Variants in MAPK4 observed in about 807,000 individuals in gnomAD.
MAPK4 encodes the protein mitogen-activated protein kinase 4.
A neutral mutation model predicts 47.7 loss-of-function variants in MAPK4; 22 were observed. The observed-to-expected ratio is 0.46, with a 90% confidence interval of 0.33 to 0.66. The LOEUF (loss-of-function observed/expected upper bound fraction) is 0.66. Ranked by LOEUF, MAPK4 falls within the 30% of genes least tolerant of loss-of-function variation. The pLI is 0.02. For synonymous variants in MAPK4, 390 were observed against 365.7 expected, an observed-to-expected ratio of 1.07 and a Z score of -0.76; for missense variants, 736 against 831.7, an observed-to-expected ratio of 0.88 and a Z score of 1.42.
chr18:50,664,045 T>C lies in MAPK4; in HGVS notation c.87T>C (p.Gly29=). The change falls in exon 2 of 6, where the codon GGT becomes GGC. Residue 29 remains glycine, a synonymous_variant. Transcript: ENST00000400384. This position sits in a 1 kb window ranked among gnomAD's most constrained non-coding sequence, Gnocchi z 6.0. ...TTGACTTCCAACCCCTGGGCTTCGG[T>C]GTCAATGGTTTGGTGCTGTCGGCCG... is the stretch of plus-strand genomic sequence containing the variant. The part of the protein sequence containing the change: ...RFVDFQPLGF[G]VNGLVLSAVD... 1 of 1,613,590 alleles carries C rather than the reference T, an allele frequency of 6.2e-7. No homozygotes were observed. Among genetic ancestry groups the C allele is most frequent in the Non-Finnish European group, 8.5e-7 (1 of 1,179,960 alleles).
At chr18:50,582,274 G>A (rs1321817785) in intron 1 of MAPK4, among the ~76,000 whole-genome samples, 1 of 152,174 alleles carries the variant, frequency 6.6e-6, no homozygotes, top group African/African-American at 2.4e-5. Context: ...CTGTTCTGTG[G>A]TACAGCGAGG....
chr18:50,641,057 C>G (rs1284352739), intron 1 of MAPK4, among the ~76,000 whole-genome samples: 1 of 152,054 alleles, frequency 6.6e-6, no homozygotes, highest in East Asian at 1.9e-4. Flanking sequence ...CAGCTGTCAC[C>G]TGGAAAAAAA....
intron 1 of MAPK4, among the ~76,000 whole-genome samples, chr18:50,606,698 T>C (rs2042586093): frequency 6.6e-6 from 1 of 152,156 alleles, no homozygotes; most frequent in South Asian, 2.1e-4. Flanking sequence ...GGCCATACAG[T>C]CTCTTTTGCA....
intron 1 of MAPK4, among the ~76,000 whole-genome samples, chr18:50,604,805 A>G (rs1445574729): frequency 6.6e-6 from 1 of 152,212 alleles, no homozygotes. Context: ...TCAAGAGTGC[A>G]ATGGCCTGGA....
intron 2 of MAPK4, among the ~76,000 whole-genome samples, chr18:50,698,478 A>C (rs566896481): frequency 6.6e-6 from 1 of 152,348 alleles, no homozygotes; most frequent in South Asian, 2.1e-4. Flanking sequence ...AAAACACCTA[A>C]ATAATGCAGT....
chr18:50,606,936 G>A (rs2042587532), intron 1 of MAPK4, among the ~76,000 whole-genome samples: 1 of 152,074 alleles, frequency 6.6e-6, no homozygotes, highest in South Asian at 2.1e-4. Context: ...TGTCAGGCTG[G>A]GACCCCAAGT....
chr18:50,618,991 C>T (rs2042708181), intron 1 of MAPK4, among the ~76,000 whole-genome samples: 1 of 152,140 alleles, frequency 6.6e-6, no homozygotes, highest in Non-Finnish European at 1.5e-5. Context: ...TGGTTAAAGT[C>T]ATTACATGCT....
Position 50,636,739 on chromosome 18 carries a change from G to A in MAPK4, c.-870-26350G>A, listed in dbSNP as rs117336615. 4.7e-3 allele frequency among the ~76,000 whole-genome samples: 715 copies of A among 152,212 alleles called. 3 individuals carry two copies. Among genetic ancestry groups the A allele is most frequent in the Non-Finnish European group, 8.4e-3 (573 of 68,020 alleles). On this transcript the variant is annotated intron_variant, in intron 1 of 5. Coordinates refer to ENST00000400384, the MANE Select transcript of MAPK4 (RefSeq NM_002747.4). ...CTAAAGCTGAATTTTTAGGGTCTTCGTGTACATCCTTGATTCCTTCTGGCC... is the reference window on the plus strand; with the variant it reads ...CTAAAGCTGAATTTTTAGGGTCTTCATGTACATCCTTGATTCCTTCTGGCC...
In MAPK4 at chr18:50,664,863, A is replaced by G. The variant is rs1247372323; in HGVS notation, c.546+359A>G. On this transcript the variant is annotated intron_variant, in intron 2 of 5. Coordinates refer to ENST00000400384, the MANE Select transcript of MAPK4 (RefSeq NM_002747.4). The surrounding 1 kb of genome is among the most constrained non-coding windows in gnomAD (Gnocchi z 6.0). ...TCCCTGCTGTCCACTTAGCCATCCC[A>G]TGTCCTTCCTGTGTGCTCAGGACAC... Among the ~76,000 whole-genome samples the G allele has an allele frequency of 6.6e-6, 1 of 152,020 alleles. No homozygotes were observed. The highest frequency in any genetic ancestry group is 2.4e-5 in the African/African-American group (1 of 41,366).
chr18:50,640,304 T>C lies in MAPK4; in HGVS notation c.-870-22785T>C, dbSNP rs534155319. ...TATTCAGGGGCCATGCTCTGTCACCTTGAGGTCATGCCAAAGAAACTTGGA... is the reference window on the plus strand; with the variant it reads ...TATTCAGGGGCCATGCTCTGTCACCCTGAGGTCATGCCAAAGAAACTTGGA... On this transcript the variant is annotated intron_variant, in intron 1 of 5. Transcript: ENST00000400384. 1.1e-4 allele frequency among the ~76,000 whole-genome samples: 16 copies of C among 152,062 alleles called. No homozygotes were observed. In the South Asian group the frequency reaches 3.3e-3, roughly 32 times the overall value.
At chr18:50,565,495 A>G (rs948169050) in intron 1 of MAPK4, among the ~76,000 whole-genome samples, 8 of 152,186 alleles carry the variant, frequency 5.3e-5, no homozygotes, top group Non-Finnish European at 1.0e-4. Context: ...TTTCTTTTGG[A>G]ATACCTGAGC....
chr18:50,659,781 G>C (rs1022268957), intron 1 of MAPK4, among the ~76,000 whole-genome samples: 1 of 152,178 alleles, frequency 6.6e-6, no homozygotes, highest in East Asian at 1.9e-4. Context: ...CTCTTGCTGG[G>C]TGTCATTCAA....
chr18:50,691,855 G>A (rs746322697), intron 2 of MAPK4, among the ~76,000 whole-genome samples: 1 of 151,926 alleles, frequency 6.6e-6, no homozygotes, highest in Non-Finnish European at 1.5e-5. Context: ...CTGCAGAGAC[G>A]GCAGAGTCTT....
chr18:50,570,375 C>T (rs2042238999), intron 1 of MAPK4, among the ~76,000 whole-genome samples: 2 of 152,160 alleles, frequency 1.3e-5, no homozygotes, highest in Admixed American at 1.3e-4. Context: ...TACCTGGAGC[C>T]CCATCTCGAA....
chr18:50,605,312 G>T (rs758313410), intron 1 of MAPK4, among the ~76,000 whole-genome samples: 16 of 152,298 alleles, frequency 1.1e-4, no homozygotes, highest in Non-Finnish European at 1.6e-4. Flanking sequence ...TGGTCTTTGT[G>T]CAGAGTAAAG....
intron 3 of MAPK4, among the ~76,000 whole-genome samples, chr18:50,718,321 C>T (rs997544760): frequency 6.6e-6 from 1 of 152,218 alleles, no homozygotes; most frequent in African/African-American, 2.4e-5. Flanking sequence ...CCATTTCAAG[C>T]GATTCTCATG....
chr18:50,624,209 G>A (rs1396099369), intron 1 of MAPK4, among the ~76,000 whole-genome samples: 1 of 152,188 alleles, frequency 6.6e-6, no homozygotes, highest in African/African-American at 2.4e-5. Flanking sequence ...GACAGAGCAG[G>A]ATGTAATCAG....
At chr18:50,587,767 T>G (rs1375320282) in intron 1 of MAPK4, among the ~76,000 whole-genome samples, 5 of 152,180 alleles carry the variant, frequency 3.3e-5, no homozygotes, top group Non-Finnish European at 7.4e-5. Flanking sequence ...CTTGCTTCAT[T>G]GCCCAGGCTG....
intron 1 of MAPK4, among the ~76,000 whole-genome samples, chr18:50,657,040 C>T (rs1055967284): frequency 1.3e-5 from 2 of 152,232 alleles, no homozygotes; most frequent in East Asian, 3.9e-4. Context: ...CCACACTCCT[C>T]TGCCACCTCC....
Sources: allele counts gnomAD v4.1 joint callset (sites outside exome capture counted in the v4.1 genomes callset), GRCh38; gene constraint gnomAD v4.1.1; non-coding constraint Gnocchi (gnomAD v3.1); transcripts MANE v1.5; gene names NCBI Gene and HGNC (gene_info 2026-07-23, HGNC 2026-07-21).